TPST1: variants seen among roughly 807,000 people sequenced by gnomAD.
The protein encoded by TPST1 is tyrosylprotein sulfotransferase 1.
TPST1 carries 20 observed loss-of-function variants against 34.8 expected under a neutral mutation model. The observed-to-expected ratio is 0.57, with a 90% confidence interval of 0.40 to 0.84. The LOEUF is 0.84. Ranked by LOEUF, TPST1 falls within the 40% of genes least tolerant of loss-of-function variation. The pLI is 0.00. For missense variants in TPST1, 353 were observed against 455.5 expected (o/e 0.78, Z 2.05); for synonymous variants, 152 against 159.4 (o/e 0.95, Z 0.35).
At chr7:66,295,602 A>T (rs1230828130) in intron 3 of TPST1, among the ~76,000 whole-genome samples, 1 of 152,186 alleles carries the variant, frequency 6.6e-6, no homozygotes, top group African/African-American at 2.4e-5. Context: ...TCATTGATTA[A>T]TGTAATTGAA....
Position 66,353,045 on chromosome 7 carries a change from T to C in TPST1, c.1095+490T>C, listed in dbSNP as rs145059028. On this transcript the variant is annotated intron_variant, in intron 4 of 5. Transcript: ENST00000304842. ...GTTTGAAGGATTAAAGCCAGCATGGTGGCTCATGCCTGTAATCCCAGCAAT... is the reference window on the plus strand; with the variant it reads ...GTTTGAAGGATTAAAGCCAGCATGGCGGCTCATGCCTGTAATCCCAGCAAT... The C allele has an allele frequency of 1.1e-5, 11 of 976,298 alleles. No individual in the cohort carries two copies. The East Asian group carries it at 1.1e-3, about 101-fold the overall frequency. 60.5% of individuals were successfully genotyped at this position (976,298 alleles called of 1,614,324 possible).
At chr7:66,284,738 G>A (rs938373933) in intron 2 of TPST1, among the ~76,000 whole-genome samples, 1 of 151,848 alleles carries the variant, frequency 6.6e-6, no homozygotes, top group Non-Finnish European at 1.5e-5. Context: ...TGTATTTTTA[G>A]TAGAGATGGG....
At chr7:66,244,575 A>G (rs1253173115) in intron 2 of TPST1, among the ~76,000 whole-genome samples, 1 of 152,236 alleles carries the variant, frequency 6.6e-6, no homozygotes, top group Admixed American at 6.5e-5. Flanking sequence ...AAGCAGAAGT[A>G]AAGTTTGAGG....
chr7:66,298,555 T>C (rs1791248680), intron 3 of TPST1, among the ~76,000 whole-genome samples: 1 of 152,208 alleles, frequency 6.6e-6, no homozygotes, highest in Non-Finnish European at 1.5e-5. Flanking sequence ...AGTTTTATAG[T>C]CTCTGCCTTT....
At chr7:66,262,863 C>A (rs1433615562) in intron 2 of TPST1, among the ~76,000 whole-genome samples, 1 of 152,020 alleles carries the variant, frequency 6.6e-6, no homozygotes, top group Non-Finnish European at 1.5e-5. Context: ...TTTGGGAGGC[C>A]GAGGTGGGCA....
intron 1 of TPST1, among the ~76,000 whole-genome samples, chr7:66,238,181 T>A (rs1789949772): frequency 6.6e-6 from 1 of 152,158 alleles, no homozygotes; most frequent in Non-Finnish European, 1.5e-5. Context: ...CCTTATCTTA[T>A]CTCCTGCTAA....
chr7:66,271,367 C>T (rs758603712), intron 2 of TPST1, among the ~76,000 whole-genome samples: 15 of 152,152 alleles, frequency 9.9e-5, no homozygotes, highest in Non-Finnish European at 1.3e-4. Context: ...TTAGTAGAGA[C>T]GGGGTTTCAC....
chr7:66,237,245 G>A (rs1789929656), intron 1 of TPST1, among the ~76,000 whole-genome samples: 2 of 152,172 alleles, frequency 1.3e-5, no homozygotes, highest in South Asian at 4.1e-4. Context: ...GCCCTGCTCT[G>A]CCTTGCAGAA....
In TPST1 at chr7:66,356,837, G is replaced by A. The variant is rs1281273666; in HGVS notation, c.1108G>A (p.Glu370Lys). Residue 370 changes from glutamate to lysine, a missense_variant, in exon 5 of 6, where the codon GAG becomes AAG. Physicochemically the swap from Glu to Lys is moderately conservative, Grantham distance 56 (BLOSUM62 1). Transcript: ENST00000304842. ...LKEKPQTEQVE is the reference protein window; with the variant it reads ...LKEKPQTEQVK ...TTTCCTTCAACAGACTGAGCAAGTG[G>A]AGTAGCAGAACCAGGAGCCTCTTCC... 6.2e-7 allele frequency: 1 copy of A among 1,614,070 alleles called. No individual in the cohort carries two copies. Among genetic ancestry groups the A allele is most frequent in the Non-Finnish European group, 8.5e-7 (1 of 1,180,032 alleles).
rs188310137 is a variant in TPST1, at chr7:66,275,122, A to C, written c.846-11389A>C. ...GGCAGGAGAATGGCGTGAACCCGGG[A>C]GGCAGAGCTTGCAGTAAGCCAAGAT... On this transcript the variant is annotated intron_variant, in intron 2 of 5. Coordinates refer to ENST00000304842, the MANE Select transcript of TPST1 (RefSeq NM_003596.4). Among the ~76,000 whole-genome samples, 82 of 152,294 alleles carry C rather than the reference A, an allele frequency of 5.4e-4. No homozygotes were observed. The East Asian group carries it at 9.4e-3, about 18-fold the overall frequency.
At chr7:66,338,766 G>A (rs115345254) in intron 3 of TPST1, among the ~76,000 whole-genome samples, 9,633 of 151,934 alleles carry the variant, frequency 0.063, 1,001 homozygotes, top group African/African-American at 0.22. Flanking sequence ...AATGAAAATG[G>A]AAACAAAATA....
intron 1 of TPST1, among the ~76,000 whole-genome samples, chr7:66,219,525 A>G (rs894506697): frequency 1.3e-5 from 2 of 152,198 alleles, no homozygotes; most frequent in African/African-American, 4.8e-5. Flanking sequence ...GCTCATTTTT[A>G]TAAGTAAAGC....
intron 5 of TPST1, chr7:66,359,064 A>G (rs1422830160): frequency 6.6e-6 from 1 of 152,084 alleles, no homozygotes; most frequent in African/African-American, 2.4e-5. Context: ...CTTCCTTTAA[A>G]GAACCTTAGG....
intron 4 of TPST1, among the ~76,000 whole-genome samples, chr7:66,354,626 T>A (rs1792547087): frequency 6.7e-6 from 1 of 148,342 alleles, no homozygotes; most frequent in Non-Finnish European, 1.5e-5. Flanking sequence ...AAAGGGACAC[T>A]CCTGCTTCAC....
intron 2 of TPST1, among the ~76,000 whole-genome samples, chr7:66,268,855 A>AT (rs1790642690): frequency 6.6e-6 from 1 of 152,038 alleles, no homozygotes; most frequent in Admixed American, 6.6e-5. Flanking sequence ...CGCCTAGCTA[A>AT]TTTTTGTATT....
At chr7:66,346,454 C>T (rs1792354358) in intron 3 of TPST1, among the ~76,000 whole-genome samples, 1 of 152,034 alleles carries the variant, frequency 6.6e-6, no homozygotes, top group Non-Finnish European at 1.5e-5. Context: ...AACAGTGTAC[C>T]AGGGTTCCCT....
At chr7:66,320,244 TC>T (rs1791722807) in intron 3 of TPST1, among the ~76,000 whole-genome samples, 2 of 149,540 alleles carry the variant, frequency 1.3e-5, no homozygotes, top group Admixed American at 6.7e-5. Context: ...TTTTTCTTTT[TC>T]TTTTTTTTTT....
intron 2 of TPST1, among the ~76,000 whole-genome samples, chr7:66,269,226 G>A (rs568768512): frequency 1.4e-4 from 21 of 152,268 alleles, no homozygotes; most frequent in South Asian, 8.3e-4. Context: ...AGCTATTTTA[G>A]TAGATGGAAA....
chr7:66,307,177 A>T (rs117730872), intron 3 of TPST1, among the ~76,000 whole-genome samples: 1 of 148,366 alleles, frequency 6.7e-6, no homozygotes, highest in Non-Finnish European at 1.5e-5. Context: ...GTCTGCAGTG[A>T]TGAGATCTCG....
Sources: gnomAD v4.1 joint callset for allele counts (sites outside exome capture counted in the v4.1 genomes callset) on GRCh38, gnomAD v4.1.1 for gene constraint, MANE v1.5 for transcripts, NCBI Gene and HGNC (gene_info 2026-07-23, HGNC 2026-07-21) for gene names.